TOP3A: variants seen among roughly 807,000 people sequenced by gnomAD.
The protein encoded by TOP3A is DNA topoisomerase III alpha, also known as DNA topoisomerase 3-alpha.
In TOP3A, 64 loss-of-function variants were observed where a neutral mutation model predicts 111.3. That is an observed-to-expected ratio of 0.57 (90% CI 0.47 to 0.71). The LOEUF is 0.71. TOP3A is among the 30% of genes least tolerant of loss of function. The pLI is 0.00. For synonymous variants in TOP3A, 484 were observed against 485.1 expected (o/e 1.00, Z 0.03); for missense variants, 1,104 against 1,285.0 (o/e 0.86, Z 2.15).
At chr17:18,294,473 G>A (rs993284063) in intron 10 of TOP3A, among the ~76,000 whole-genome samples, 7 of 152,118 alleles carry the variant, frequency 4.6e-5, no homozygotes, top group South Asian at 2.1e-4. Context: ...GGGACTACAG[G>A]CGCACGCCAC....
rs1979471604 is a variant in TOP3A at position 18,277,765 on chromosome 17, G to A, written c.2737C>T (p.Pro913Ser). ...SVTRTVQKDG[P>S]NKGRQFHTCA... ...GTGTGGAACTGGCGCCCCTTGTTGG[G>A]TCCATCCTTCTGCACAGTCCGTGTG... Residue 913 changes from proline (P) to serine (S), a missense_variant, in exon 18 of 19, where the codon CCC (proline) becomes TCC (serine). Coordinates refer to ENST00000321105, the MANE Select transcript of TOP3A (RefSeq NM_004618.5). 6.2e-7 allele frequency: 1 copy of A among 1,614,214 alleles called. No homozygotes were observed. Among genetic ancestry groups the A allele is most frequent in the Non-Finnish European group, 8.5e-7 (1 of 1,180,044 alleles).
intron 9 of TOP3A, among the ~76,000 whole-genome samples, chr17:18,295,123 A>G (rs567937762): frequency 1.3e-5 from 2 of 152,292 alleles, no homozygotes; most frequent in African/African-American, 4.8e-5. Flanking sequence ...TGCTAGGATC[A>G]CAAGCGTGAG....
intron 13 of TOP3A, 60 bp from the exon 14 acceptor site, chr17:18,285,580 G>A (rs1980046318): frequency 1.5e-5 from 22 of 1,455,784 alleles, no homozygotes; most frequent in South Asian, 8.2e-5. Context: ...CCCGGGTGGC[G>A]CATGGGCACC....
chr17:18,280,803 T>C, intron 16 of TOP3A, 145 bp from the exon 17 acceptor site: 2 of 908,306 alleles, frequency 2.2e-6, no homozygotes, highest in Non-Finnish European at 3.3e-6. Flanking sequence ...CAAGCACTCA[T>C]ATTGAATTGA....
intron 13 of TOP3A, among the ~76,000 whole-genome samples, chr17:18,285,728 A>G (rs752896811): frequency 1.6e-4 from 25 of 152,194 alleles, no homozygotes; most frequent in Non-Finnish European, 3.2e-4. Flanking sequence ...ATTACTCAGG[A>G]AAGCTGTCAA....
At chr17:18,299,385 A>C (rs969586822) in intron 9 of TOP3A, among the ~76,000 whole-genome samples, 174 bp downstream of exon 9, 2 of 152,198 alleles carry the variant, frequency 1.3e-5, no homozygotes, top group African/African-American at 4.8e-5. Context: ...AACAAAATAA[A>C]CAAAAAAACA....
At chr17:18,300,392 C>G (rs1283532471) in intron 8 of TOP3A, among the ~76,000 whole-genome samples, 1 of 149,382 alleles carries the variant, frequency 6.7e-6, no homozygotes, top group East Asian at 2.0e-4. Context: ...GACTTTGTCT[C>G]GGGGGAGAAA....
intron 1 of TOP3A, among the ~76,000 whole-genome samples, chr17:18,309,999 C>T (rs919953020): frequency 4.0e-5 from 6 of 151,806 alleles, no homozygotes; most frequent in African/African-American, 1.5e-4. Flanking sequence ...TGTGAGCCAC[C>T]ACGCCCAGCG....
chr17:18,301,216 G>A (rs1034537933), intron 8 of TOP3A, among the ~76,000 whole-genome samples: 7 of 152,180 alleles, frequency 4.6e-5, no homozygotes, highest in African/African-American at 1.7e-4. Flanking sequence ...GTGCTAATAG[G>A]AAGTGGCATC....
intron 13 of TOP3A, among the ~76,000 whole-genome samples, chr17:18,288,334 G>A (rs2142956938): frequency 6.6e-6 from 1 of 151,682 alleles, no homozygotes. Context: ...TGTATTTTTA[G>A]TAGAGATGGA....
rs186337622 is a variant in TOP3A at position 18,307,328 on chromosome 17, G to A, written c.315-362C>T. On this transcript the variant is annotated intron_variant, in intron 3 of 18. Coordinates refer to ENST00000321105, the MANE Select transcript of TOP3A (RefSeq NM_004618.5). Reference sequence around the variant, plus strand: ...GTATTATAAATTACTGCTGGGCGTGGTAGCTCACGCCTGTAATCCCAGCAC... The same window carrying A: ...GTATTATAAATTACTGCTGGGCGTGATAGCTCACGCCTGTAATCCCAGCAC... 224 of 167,586 alleles carry A rather than the reference G, an allele frequency of 1.3e-3. 1 individual carries two copies. The highest frequency in any genetic ancestry group is 5.6e-3 in the Middle Eastern group (2 of 358). The allele number at this position is 167,586 out of a possible 1,614,324, so 10.4% of individuals were successfully genotyped here. A position where few individuals can be genotyped will look rare whatever the true frequency, so the allele number is the denominator to read the frequency against.
At chr17:18,288,725 A>G (rs1209007862) in intron 13 of TOP3A, among the ~76,000 whole-genome samples, 4 of 152,118 alleles carry the variant, frequency 2.6e-5, no homozygotes, top group Non-Finnish European at 5.9e-5. Context: ...GCTGATCCAG[A>G]AGTCTTACTA....
At chr17:18,299,173 C>G (rs1346062521) in intron 9 of TOP3A, among the ~76,000 whole-genome samples, 1 of 151,920 alleles carries the variant, frequency 6.6e-6, no homozygotes, top group African/African-American at 2.4e-5. Flanking sequence ...TGCCTGTAAT[C>G]CCAGTACTTT....
intron 13 of TOP3A, among the ~76,000 whole-genome samples, chr17:18,288,920 G>C (rs1234699863): frequency 6.6e-6 from 1 of 152,170 alleles, no homozygotes; most frequent in Non-Finnish European, 1.5e-5. Context: ...TCACTCTTGT[G>C]GGCCTCACAC....
At position 18,305,170 on chromosome 17, in the gene TOP3A, A is replaced by G; in HGVS notation, c.441T>C (p.Thr147=). 6.2e-7 allele frequency: 1 copy of G among 1,614,234 alleles called. No homozygotes were observed. The highest frequency in any genetic ancestry group is 8.5e-7 in the Non-Finnish European group (1 of 1,180,048). Residue 147 remains threonine (T), a synonymous_variant, in exon 5 of 19, where the codon ACT becomes ACC. Coordinates refer to ENST00000321105, the MANE Select transcript of TOP3A (RefSeq NM_004618.5). ...TGTTTTCGCCTTCTCTATCACAGTC[A>G]GTCCAGATCACCAGAGCCTGGCACT... ...TRQCQALVIW[T]DCDREGENIG...
chr17:18,278,132 C>G lies in TOP3A; in HGVS notation c.2370G>C (p.Gly790=), dbSNP rs367967797. Residue 790 remains glycine, a synonymous_variant, in exon 18 of 19, where the codon GGG becomes GGC. Coordinates refer to ENST00000321105, the MANE Select transcript of TOP3A (RefSeq NM_004618.5). The part of the protein sequence containing the change: ...HPQPADSRQT[G]SSKALAQTLP... ...GGGTCTGGGCCAGAGCCTTTGAGGACCCAGTCTGTCTGCTGTCAGCAGGCT... is the reference window on the plus strand; with the variant it reads ...GGGTCTGGGCCAGAGCCTTTGAGGAGCCAGTCTGTCTGCTGTCAGCAGGCT... 8.7e-6 allele frequency: 14 copies of G among 1,614,200 alleles called. No individual in the cohort carries two copies. In the African/African-American group the frequency reaches 1.5e-4, roughly 17 times the overall value.
chr17:18,297,684 T>C (rs1373137080), intron 9 of TOP3A, among the ~76,000 whole-genome samples: 5 of 152,054 alleles, frequency 3.3e-5, no homozygotes, highest in African/African-American at 7.2e-5. Flanking sequence ...CTCGGCATCC[T>C]GAGGTGCCGG....
At chr17:18,291,198 T>C (rs1980457162) in intron 11 of TOP3A, among the ~76,000 whole-genome samples, 171 bp from the exon 12 acceptor site, 1 of 152,240 alleles carries the variant, frequency 6.6e-6, no homozygotes, top group Non-Finnish European at 1.5e-5. Context: ...AGGATGGGTT[T>C]AGGTTGACAC....
chr17:18,285,209 C>T lies in TOP3A; in HGVS notation c.1810G>A (p.Val604Met). Residue 604 changes from valine to methionine, a missense_variant, in exon 15 of 19, where the codon GTG becomes ATG. By Grantham distance (21) the Val-to-Met change is conservative (BLOSUM62 1). Transcript: ENST00000321105. ...LICDGKKDKF[V>M]VLRQQVQKYK... The stretch of plus-strand genomic sequence containing the variant: ...TTCTGCACTTGCTGCCTTAGAACCA[C>T]AAATTTGTCCTTTTTGCCATCACAG... The T allele has an allele frequency of 6.2e-7, 1 of 1,614,250 alleles. No homozygotes were observed. Among genetic ancestry groups the T allele is most frequent in the Non-Finnish European group, 8.5e-7 (1 of 1,180,052 alleles).
Sources: allele counts gnomAD v4.1 joint callset (sites outside exome capture counted in the v4.1 genomes callset), GRCh38; gene constraint gnomAD v4.1.1; transcripts MANE v1.5; gene names NCBI Gene and HGNC (gene_info 2026-07-23, HGNC 2026-07-21).